Variants in KAZN observed in about 807,000 individuals in gnomAD.
KAZN encodes kazrin.
Under a neutral mutation model 87.4 loss-of-function variants are expected in KAZN, and 40 were observed. The observed-to-expected ratio is 0.46, with a 90% CI of 0.36 to 0.60. The LOEUF (loss-of-function observed/expected upper bound fraction) is 0.60, where lower values mean the gene tolerates loss of function less well. Among genes scored for constraint, KAZN ranks in the 20% least tolerant of loss-of-function variants. The pLI is 0.00. For synonymous variants in KAZN, 466 were observed against 458.3 expected, an observed-to-expected ratio of 1.02 and a Z score of -0.22; for missense variants, 898 against 1,073.9, an observed-to-expected ratio of 0.84 and a Z score of 2.29.
In KAZN at chr1:14,028,188, TA is replaced by T. The variant is rs1641165022; in HGVS notation, c.91+134437del. Among the ~76,000 whole-genome samples the T allele has an allele frequency of 1.1e-4, 9 of 79,530 alleles. No homozygotes were observed. In the South Asian group the frequency reaches 4.2e-3, roughly 37 times the overall value. 52.2% of individuals were successfully genotyped at this position (79,530 alleles called of 152,430 possible). A position where few individuals can be genotyped will look rare whatever the true frequency, so the allele number is the denominator to read the frequency against. On this transcript the variant is annotated intron_variant, in intron 1 of 16. Transcript: ENST00000636203. ...TTGGGGTGCAGCTCTTTATTTATGG[TA>T]AAAACTGGTGTCTGGGAAACTACGT...
chr1:13,967,862 T>C (rs899273049), intron 1 of KAZN, among the ~76,000 whole-genome samples: 2 of 152,200 alleles, frequency 1.3e-5, no homozygotes, highest in African/African-American at 4.8e-5. Flanking sequence ...ACTCTGCACC[T>C]GCAAGGGCTG....
chr1:14,127,608 C>A (rs894384850), intron 1 of KAZN, among the ~76,000 whole-genome samples: 1 of 152,144 alleles, frequency 6.6e-6, no homozygotes, highest in African/African-American at 2.4e-5. Flanking sequence ...AACCTTCCCC[C>A]GTCATCCTTG....
chr1:15,036,778 G>C (rs12405690), intron 3 of KAZN, among the ~76,000 whole-genome samples: 21,301 of 152,198 alleles, frequency 0.14, 1,763 homozygotes, highest in Admixed American at 0.21. Context: ...ACAGGGGCGT[G>C]CTGTGGGAGT....
Position 14,928,864 on chromosome 1 carries a change from G to A in KAZN, c.227-31820G>A, listed in dbSNP as rs185828572. Reference sequence around the variant, plus strand: ...CCTGAGGAGTCTCAACCTGTGGTCCGGCACCCTCTGCCCTCCACCCTGTGT... The same window carrying A: ...CCTGAGGAGTCTCAACCTGTGGTCCAGCACCCTCTGCCCTCCACCCTGTGT... On this transcript the variant is annotated intron_variant, in intron 1 of 14. Coordinates refer to ENST00000376030, the MANE Select transcript of KAZN (RefSeq NM_201628.3). Among the ~76,000 whole-genome samples the A allele has an allele frequency of 6.0e-4, 91 of 152,262 alleles. 1 individual carries two copies. The highest frequency in any genetic ancestry group is 2.6e-3 in the Admixed American group (40 of 15,290).
At chr1:14,738,374 C>G (rs996728906) in intron 1 of KAZN, among the ~76,000 whole-genome samples, 1 of 152,052 alleles carries the variant, frequency 6.6e-6, no homozygotes, top group Non-Finnish European at 1.5e-5. Flanking sequence ...GCAGATGACA[C>G]AGCAGTGCCC....
chr1:14,884,256 G>A (rs1252150411), intron 1 of KAZN, among the ~76,000 whole-genome samples: 1 of 152,118 alleles, frequency 6.6e-6, no homozygotes, highest in African/African-American at 2.4e-5. Flanking sequence ...GCTGGGTGTG[G>A]TGGCGGGCAC....
chr1:13,895,933 A>G (rs1205185920), intron 1 of KAZN, among the ~76,000 whole-genome samples: 1 of 149,762 alleles, frequency 6.7e-6, no homozygotes, highest in Non-Finnish European at 1.5e-5. Flanking sequence ...CAATGATACC[A>G]TTTCCTGAAC....
chr1:14,765,683 G>A (rs531320338), intron 1 of KAZN, among the ~76,000 whole-genome samples: 57 of 152,326 alleles, frequency 3.7e-4, no homozygotes, highest in African/African-American at 6.0e-4. Flanking sequence ...AGATCTCAGC[G>A]CAGCTCAGAG....
chr1:14,441,643 G>A (rs901106065), intron 2 of KAZN, among the ~76,000 whole-genome samples: 4 of 152,168 alleles, frequency 2.6e-5, no homozygotes, highest in African/African-American at 7.2e-5. Flanking sequence ...AAATGTCTCA[G>A]AGGATTAAAA....
intron 2 of KAZN, among the ~76,000 whole-genome samples, chr1:14,581,969 G>A (rs559830320): frequency 4.0e-5 from 6 of 151,472 alleles, no homozygotes; most frequent in Admixed American, 6.6e-5. Context: ...ACTTACATTT[G>A]TATGTAGGCA....
rs575943775 is a variant in KAZN at position 14,128,835 on chromosome 1, G to A, written c.92-51600G>A. 5.3e-5 allele frequency among the ~76,000 whole-genome samples: 8 copies of A among 152,246 alleles called. No homozygotes were observed. In the East Asian group the frequency reaches 1.4e-3, roughly 26 times the overall value. ...GAATAGATGTCACACATTAACCATA[G>A]CGTCAGGAAATCTCCATTTTCATCT... On this transcript the variant is annotated intron_variant, in intron 1 of 16. Coordinates refer to the KAZN transcript ENST00000636203.
At chr1:14,428,687 C>T (rs1665879027) in intron 2 of KAZN, among the ~76,000 whole-genome samples, 1 of 152,140 alleles carries the variant, frequency 6.6e-6, no homozygotes, top group Admixed American at 6.5e-5. Flanking sequence ...CACCTCTTCA[C>T]AGAGCGGCAG....
At chr1:13,945,783 G>A (rs1641128642) in intron 1 of KAZN, among the ~76,000 whole-genome samples, 5 of 151,838 alleles carry the variant, frequency 3.3e-5, no homozygotes, top group Non-Finnish European at 1.5e-5. Context: ...TGAAGCCGGT[G>A]CCTGGTAGAT....
At chr1:14,019,453 C>T (rs1289653794) in intron 1 of KAZN, among the ~76,000 whole-genome samples, 2 of 152,182 alleles carry the variant, frequency 1.3e-5, no homozygotes, top group Non-Finnish European at 2.9e-5. Flanking sequence ...CTTTTCCTAG[C>T]CATTTCTTCT....
intron 2 of KAZN, among the ~76,000 whole-genome samples, chr1:14,455,980 C>T (rs536120803): frequency 6.6e-6 from 1 of 152,120 alleles, no homozygotes; most frequent in Non-Finnish European, 1.5e-5. Context: ...CTCAACAGAC[C>T]AAAATTGCAG....
intron 1 of KAZN, among the ~76,000 whole-genome samples, chr1:14,913,991 C>G (rs530171065): frequency 8.1e-4 from 123 of 152,340 alleles, no homozygotes; most frequent in Middle Eastern, 6.8e-3. Flanking sequence ...ACTGAAAACG[C>G]GACCTTGCCA....
chr1:14,066,712 A>G (rs1643022522), intron 1 of KAZN, among the ~76,000 whole-genome samples: 1 of 152,162 alleles, frequency 6.6e-6, no homozygotes, highest in South Asian at 2.1e-4. Flanking sequence ...ATCGGTAATC[A>G]CTACATAGGA....
At chr1:14,459,587 A>G (rs1278820287) in intron 2 of KAZN, among the ~76,000 whole-genome samples, 1 of 152,116 alleles carries the variant, frequency 6.6e-6, no homozygotes. Flanking sequence ...GCCTATCTGG[A>G]AAGCATGCCA....
intron 2 of KAZN, among the ~76,000 whole-genome samples, chr1:14,294,044 G>A (rs10928063): frequency 0.43 from 65,799 of 151,964 alleles, 15,629 homozygotes; most frequent in Non-Finnish European, 0.55. Context: ...AAACTGATAA[G>A]GGAGTTTCTT....
Sources: allele counts gnomAD v4.1 joint callset (sites outside exome capture counted in the v4.1 genomes callset), GRCh38; gene constraint gnomAD v4.1.1; transcripts MANE v1.5; gene names NCBI Gene and HGNC (gene_info 2026-07-23, HGNC 2026-07-21).